The following LDLRAD3 variants were observed in gnomAD, a reference collection of about 807,000 sequenced individuals.
LDLRAD3 encodes the protein low density lipoprotein receptor class A domain containing 3.
A neutral mutation model predicts 29.4 loss-of-function variants in LDLRAD3; 20 were observed. The ratio of observed to expected loss-of-function variants is 0.68; its 90% CI spans 0.48 to 0.99. The LOEUF is 0.99. Among genes scored for constraint, LDLRAD3 ranks in the 50% least tolerant of loss-of-function variants. The pLI, the probability that LDLRAD3 is intolerant of heterozygous loss-of-function variation, is 0.00. For missense variants in LDLRAD3, 420 were observed against 454.3 expected (o/e 0.92, Z 0.69); for synonymous variants, 157 against 192.7 (o/e 0.81, Z 1.53).
At chr11:36,028,060 A>C (rs1271931645) in intron 1 of LDLRAD3, among the ~76,000 whole-genome samples, 1 of 152,218 alleles carries the variant, frequency 6.6e-6, no homozygotes, top group African/African-American at 2.4e-5. Context: ...CGCTTGCAAA[A>C]GTTCTTCCAG....
chr11:36,071,215 C>T (rs1852896233), intron 2 of LDLRAD3, among the ~76,000 whole-genome samples: 1 of 152,166 alleles, frequency 6.6e-6, no homozygotes, highest in African/African-American at 2.4e-5. Context: ...TGATCTCAGC[C>T]TTTGTGCTTC....
intron 1 of LDLRAD3, chr11:36,009,977 A>G (rs924953948): frequency 3.3e-5 from 5 of 153,586 alleles, no homozygotes; most frequent in Non-Finnish European, 7.3e-5. Context: ...TTTGAAGGAA[A>G]CTGGTCAGAA....
At chr11:36,144,410 C>T (rs1854138428) in intron 4 of LDLRAD3, among the ~76,000 whole-genome samples, 1 of 144,468 alleles carries the variant, frequency 6.9e-6, no homozygotes, top group Non-Finnish European at 1.5e-5. Flanking sequence ...ATGTGAGGAG[C>T]CTCTCTGCCT....
intron 2 of LDLRAD3, among the ~76,000 whole-genome samples, chr11:36,065,433 A>T (rs1590236961): frequency 6.6e-6 from 1 of 152,146 alleles, no homozygotes; most frequent in African/African-American, 2.4e-5. Flanking sequence ...GAAGCTGAGG[A>T]TCAGTATTTT....
At position 36,089,970 on chromosome 11, in the gene LDLRAD3, A is replaced by T. The variant is rs191730988; in HGVS notation, c.319+8192A>T. On this transcript the variant is annotated intron_variant, in intron 3 of 5. Transcript: ENST00000315571. ...TGCTATGGCCCACATGCTATTTTCC[A>T]TGCTTTGCTCATTTAATTTTTATAA... 4.9e-3 allele frequency among the ~76,000 whole-genome samples: 743 copies of T among 152,160 alleles called. 19 individuals carry two copies. The highest frequency in any genetic ancestry group is 0.045 in the Admixed American group (684 of 15,278).
In LDLRAD3 at chr11:36,068,055, T is replaced by C. The variant is rs189016192; in HGVS notation, c.194-13598T>C. On this transcript the variant is annotated intron_variant, in intron 2 of 5. Coordinates refer to ENST00000315571, the MANE Select transcript of LDLRAD3 (RefSeq NM_174902.4). Reference sequence around the variant, plus strand: ...GCAATCATCTGCTTATTGTCTCTTTTTCGTTCTCTTTCTCTTGGCCAGGTG... The same window carrying C: ...GCAATCATCTGCTTATTGTCTCTTTCTCGTTCTCTTTCTCTTGGCCAGGTG... Among the ~76,000 whole-genome samples, 4 of 152,274 alleles carry C rather than the reference T, an allele frequency of 2.6e-5. No homozygotes were observed. The East Asian group carries it at 7.7e-4, about 29-fold the overall frequency.
chr11:36,147,544 T>C (rs557797536), intron 4 of LDLRAD3, among the ~76,000 whole-genome samples: 3 of 152,362 alleles, frequency 2.0e-5, no homozygotes, highest in Admixed American at 6.5e-5. Flanking sequence ...AATAAAGTCA[T>C]ATTCACAGGC....
At chr11:35,984,668 G>T (rs1851585764) in intron 1 of LDLRAD3, among the ~76,000 whole-genome samples, 1 of 152,214 alleles carries the variant, frequency 6.6e-6, no homozygotes, top group African/African-American at 2.4e-5. Flanking sequence ...TTTCGCTCTT[G>T]TTGCCCAGGC....
At position 36,227,252 on chromosome 11, in the gene LDLRAD3, G is replaced by A. The variant is rs151059364; in HGVS notation, c.622G>A (p.Val208Met). 6.5e-5 allele frequency: 105 copies of A among 1,614,004 alleles called. No individual in the cohort carries two copies. Among genetic ancestry groups the A allele is most frequent in the Admixed American group, 3.3e-4 (20 of 59,976 alleles). Residue 208 changes from valine (V) to methionine (M), a missense_variant, in exon 5 of 6, where the codon GTG becomes ATG. Physicochemically the swap from Val to Met is conservative, Grantham distance 21. Coordinates refer to ENST00000315571, the MANE Select transcript of LDLRAD3 (RefSeq NM_174902.4). ...RKRNNLMTLP[V>M]HRLQHPVLLS... ...GCGGAACAACCTCATGACGCTGCCC[G>A]TGCACCGGCTGCAGCACCCTGTGCT...
chr11:36,014,589 G>T (rs1194448399), intron 1 of LDLRAD3, among the ~76,000 whole-genome samples: 1 of 152,124 alleles, frequency 6.6e-6, no homozygotes, highest in Non-Finnish European at 1.5e-5. Context: ...CAGAAACTTT[G>T]CTGGCGAGGT....
At chr11:36,053,757 T>G (rs1221756901) in intron 2 of LDLRAD3, among the ~76,000 whole-genome samples, 1 of 152,178 alleles carries the variant, frequency 6.6e-6, no homozygotes, top group African/African-American at 2.4e-5. Context: ...TCAGTGCCCT[T>G]GACACTGCGA....
intron 4 of LDLRAD3, among the ~76,000 whole-genome samples, chr11:36,129,466 C>G (rs1228332343): frequency 6.6e-6 from 1 of 152,178 alleles, no homozygotes; most frequent in Admixed American, 6.5e-5. Context: ...TAGGAATGGT[C>G]CTGTCCCAGA....
chr11:35,977,223 A>T (rs1830074828), intron 1 of LDLRAD3, among the ~76,000 whole-genome samples: 1 of 152,018 alleles, frequency 6.6e-6, no homozygotes, highest in East Asian at 1.9e-4. Context: ...AATACCAGCC[A>T]TGTCATCTGA....
intron 4 of LDLRAD3, among the ~76,000 whole-genome samples, chr11:36,140,577 C>T (rs780766295): frequency 3.9e-5 from 6 of 152,076 alleles, no homozygotes; most frequent in African/African-American, 7.2e-5. Context: ...TACAGGTGTG[C>T]GCCACCATGC....
intron 4 of LDLRAD3, among the ~76,000 whole-genome samples, chr11:36,145,289 A>C (rs1167940331): frequency 1.2e-5 from 1 of 85,862 alleles, no homozygotes; most frequent in African/African-American, 5.6e-5. Flanking sequence ...CAGCTGCCCC[A>C]TCCGGGAGGT....
At chr11:36,108,445 T>C (rs1218340549) in intron 4 of LDLRAD3, among the ~76,000 whole-genome samples, 3 of 151,506 alleles carry the variant, frequency 2.0e-5, no homozygotes, top group Non-Finnish European at 4.4e-5. Flanking sequence ...TGGTCTCTGC[T>C]CTAATAGAGC....
At chr11:36,160,287 G>A (rs1387525735) in intron 4 of LDLRAD3, among the ~76,000 whole-genome samples, 1 of 152,164 alleles carries the variant, frequency 6.6e-6, no homozygotes, top group Non-Finnish European at 1.5e-5. Context: ...AGCCTCGAGG[G>A]ACGTGGCCCA....
rs1054012147 is a variant in LDLRAD3, at chr11:36,016,283, A to G, written c.47-19820A>G. ...TTTCTATGCTAACTCATTAATAAGC[A>G]GTCACCCACAGGTTTCTCCAAGTGA... is the stretch of plus-strand genomic sequence containing the variant. On this transcript the variant is annotated intron_variant, in intron 1 of 5. Transcript: ENST00000315571. Among the ~76,000 whole-genome samples, 9 of 152,224 alleles carry G rather than the reference A, an allele frequency of 5.9e-5. No homozygotes were observed. In the South Asian group the frequency reaches 1.4e-3, roughly 25 times the overall value.
At chr11:36,079,405 C>A (rs1292168053) in intron 2 of LDLRAD3, among the ~76,000 whole-genome samples, 1 of 152,104 alleles carries the variant, frequency 6.6e-6, no homozygotes, top group African/African-American at 2.4e-5. Flanking sequence ...TGATAAATAG[C>A]ATAAGCATTA....
Sources: allele counts gnomAD v4.1 joint callset (sites outside exome capture counted in the v4.1 genomes callset), GRCh38; gene constraint gnomAD v4.1.1; transcripts MANE v1.5; gene names NCBI Gene and HGNC (gene_info 2026-07-23, HGNC 2026-07-21).